TTC29: variants seen among roughly 807,000 people sequenced by gnomAD.
TTC29 encodes the protein tetratricopeptide repeat domain 29, also known as tetratricopeptide repeat protein 29.
Under a neutral mutation model 58.1 loss-of-function variants are expected in TTC29, and 49 were observed. That is an observed-to-expected ratio of 0.84 (90% CI 0.67 to 1.07). The LOEUF is 1.07. TTC29 is among the 50% of genes least tolerant of loss of function. TTC29 has a pLI of 0.00. For synonymous variants in TTC29, 209 were observed against 196.8 expected, an observed-to-expected ratio of 1.06 and a Z score of -0.52; for missense variants, 582 against 555.6, an observed-to-expected ratio of 1.05 and a Z score of -0.48.
At chr4:146,732,366 T>A (rs1744398561) in intron 11 of TTC29, among the ~76,000 whole-genome samples, 1 of 152,194 alleles carries the variant, frequency 6.6e-6, no homozygotes, top group African/African-American at 2.4e-5. Context: ...TAGGATTCCT[T>A]TTCTTGTTCC....
intron 10 of TTC29, among the ~76,000 whole-genome samples, chr4:146,803,886 A>G (rs184533925): frequency 1.2e-3 from 182 of 152,330 alleles, no homozygotes; most frequent in Non-Finnish European, 5.3e-4. Flanking sequence ...AATATCTTGA[A>G]ATTAACTTAG....
intron 11 of TTC29, among the ~76,000 whole-genome samples, chr4:146,722,034 C>T (rs1306009551): frequency 7.1e-6 from 1 of 140,740 alleles, no homozygotes; most frequent in Non-Finnish European, 1.5e-5. Context: ...AGCTGAGAGT[C>T]AAATCAAGAA....
intron 11 of TTC29, among the ~76,000 whole-genome samples, chr4:146,788,382 G>C (rs1222365300): frequency 6.6e-6 from 1 of 152,228 alleles, no homozygotes; most frequent in Non-Finnish European, 1.5e-5. Flanking sequence ...CATAGTAAAA[G>C]TGAAGGTGAC....
At chr4:146,884,115 T>C (rs368427285) in intron 6 of TTC29, among the ~76,000 whole-genome samples, 2 of 152,234 alleles carry the variant, frequency 1.3e-5, no homozygotes, top group East Asian at 3.9e-4. Flanking sequence ...CTTATGAACA[T>C]GTACACATAG....
intron 10 of TTC29, among the ~76,000 whole-genome samples, chr4:146,806,038 T>C (rs112673594): frequency 7.5e-4 from 114 of 152,256 alleles, no homozygotes; most frequent in African/African-American, 2.7e-3. Context: ...CGGATCTCTC[T>C]GGAGAAACCC....
chr4:146,765,483 G>A (rs1056673106), intron 11 of TTC29, among the ~76,000 whole-genome samples: 2 of 152,212 alleles, frequency 1.3e-5, no homozygotes, highest in African/African-American at 4.8e-5. Flanking sequence ...TTACAGGCAC[G>A]AGCCAACGCG....
At chr4:146,752,066 G>A (rs892125961) in intron 11 of TTC29, among the ~76,000 whole-genome samples, 2 of 151,892 alleles carry the variant, frequency 1.3e-5, no homozygotes, top group African/African-American at 2.4e-5. Context: ...GTACTGGCCA[G>A]GGCAATCAGG....
intron 11 of TTC29, among the ~76,000 whole-genome samples, chr4:146,714,858 G>T (rs1463290763): frequency 6.6e-6 from 1 of 152,256 alleles, no homozygotes. Context: ...AGAAATGGAA[G>T]GATGTAATTG....
chr4:146,915,239 T>C (rs1436252562), intron 4 of TTC29, among the ~76,000 whole-genome samples: 2 of 152,142 alleles, frequency 1.3e-5, no homozygotes, highest in Non-Finnish European at 2.9e-5. Context: ...TATTATATCA[T>C]GTATTGTTGC....
intron 8 of TTC29, among the ~76,000 whole-genome samples, chr4:146,865,378 G>C (rs888309450): frequency 2.0e-5 from 3 of 152,120 alleles, no homozygotes; most frequent in Admixed American, 6.5e-5. Flanking sequence ...CCACACAATG[G>C]GATATCATGT....
chr4:146,916,254 G>T (rs74404255), intron 4 of TTC29, among the ~76,000 whole-genome samples: 7,560 of 151,554 alleles, frequency 0.05, 323 homozygotes, highest in Admixed American at 0.12. Flanking sequence ...AGTTGTTTAT[G>T]TTTTATAGTT....
At chr4:146,769,734 G>T (rs1747591151) in intron 11 of TTC29, among the ~76,000 whole-genome samples, 1 of 152,012 alleles carries the variant, frequency 6.6e-6, no homozygotes, top group South Asian at 2.1e-4. Flanking sequence ...CCTGAATTGG[G>T]TTTAGTTCTG....
At chr4:146,930,266 C>T (rs1017736759) in intron 4 of TTC29, among the ~76,000 whole-genome samples, 1 of 151,460 alleles carries the variant, frequency 6.6e-6, no homozygotes, top group Non-Finnish European at 1.5e-5. Flanking sequence ...GCATCTCCTA[C>T]AAACTTATAT....
chr4:146,839,931 C>T (rs578140558), intron 8 of TTC29, among the ~76,000 whole-genome samples: 1 of 151,884 alleles, frequency 6.6e-6, no homozygotes, highest in Admixed American at 6.6e-5. Flanking sequence ...ATGACTCAAA[C>T]GTCATTAACT....
At chr4:146,758,215 A>G (rs1160107744) in intron 11 of TTC29, among the ~76,000 whole-genome samples, 1 of 152,216 alleles carries the variant, frequency 6.6e-6, no homozygotes, top group African/African-American at 2.4e-5. Context: ...AACATACTTT[A>G]AAGCAACAGC....
chr4:146,822,800 A>G lies in TTC29; in HGVS notation c.978-2552T>C, dbSNP rs560051573. Among the ~76,000 whole-genome samples, 72 of 152,312 alleles carry G rather than the reference A, an allele frequency of 4.7e-4. 1 individual carries two copies. The South Asian group carries it at 0.014, about 31-fold the overall frequency. On this transcript the variant is annotated intron_variant, in intron 9 of 12. Transcript: ENST00000325106. ...TGACTTTTTAATAGTTGTCATTCTGACTGGCGTGAGATGGTATCTCATTGC... is the reference window on the plus strand; with the variant it reads ...TGACTTTTTAATAGTTGTCATTCTGGCTGGCGTGAGATGGTATCTCATTGC...
chr4:146,923,503 G>C (rs1474180337), intron 4 of TTC29, among the ~76,000 whole-genome samples: 2 of 151,402 alleles, frequency 1.3e-5, no homozygotes, highest in African/African-American at 4.8e-5. Flanking sequence ...AAGAAAAATA[G>C]AAACTAAAAA....
intron 11 of TTC29, among the ~76,000 whole-genome samples, chr4:146,797,294 G>A (rs1295909190): frequency 6.6e-6 from 1 of 152,096 alleles, no homozygotes; most frequent in Non-Finnish European, 1.5e-5. Context: ...TATTTTTAAA[G>A]CAAATTTAAA....
rs368529761 is a variant in TTC29 at position 146,780,652 on chromosome 4, T to C, written c.1330+22805A>G. On this transcript the variant is annotated intron_variant, in intron 11 of 12. Coordinates refer to ENST00000325106, the MANE Select transcript of TTC29 (RefSeq NM_031956.4). ...CTAGATTTGCCTTATCTCCAGTTCATCTCTTAAATTGCTGAAGAAATATAT... is the reference window on the plus strand; with the variant it reads ...CTAGATTTGCCTTATCTCCAGTTCACCTCTTAAATTGCTGAAGAAATATAT... Among the ~76,000 whole-genome samples, 445 of 152,004 alleles carry C rather than the reference T, an allele frequency of 2.9e-3. 2 individuals are homozygous for C. The highest frequency in any genetic ancestry group is 5.5e-3 in the Non-Finnish European group (372 of 67,896).
Sources: gnomAD v4.1 joint callset for allele counts (sites outside exome capture counted in the v4.1 genomes callset) on GRCh38, gnomAD v4.1.1 for gene constraint, MANE v1.5 for transcripts, NCBI Gene and HGNC (gene_info 2026-07-23, HGNC 2026-07-21) for gene names.